ST6GAL1: variants seen among roughly 807,000 people sequenced by gnomAD.
The protein encoded by ST6GAL1 is beta-galactoside alpha-2,6-sialyltransferase 1.
Under a neutral mutation model 38.0 loss-of-function variants are expected in ST6GAL1, and 20 were observed. That is an observed-to-expected ratio of 0.53 (90% CI 0.37 to 0.77). ST6GAL1 has a LOEUF of 0.77. ST6GAL1 is among the 30% of genes least tolerant of loss of function. ST6GAL1 has a pLI of 0.00. For missense variants in ST6GAL1, 432 were observed against 496.4 expected (o/e 0.87, Z 1.23); for synonymous variants, 196 against 188.2 (o/e 1.04, Z -0.34).
rs113729018 is a variant in ST6GAL1, at chr3:186,988,286, C to T, written c.-183+24360C>T. Among the ~76,000 whole-genome samples the T allele has an allele frequency of 2.3e-4, 35 of 152,162 alleles. No homozygotes were observed. In the South Asian group the frequency reaches 5.2e-3, roughly 23 times the overall value. On this transcript the variant is annotated intron_variant, in intron 2 of 7. Coordinates refer to ENST00000169298, the MANE Select transcript of ST6GAL1 (RefSeq NM_173216.2). The stretch of plus-strand genomic sequence containing the variant: ...GTAGGGCTTCTGGAAGTGTCTCTAA[C>T]GGGTGCTAATTTGTGTTGGTCATGG...
intron 2 of ST6GAL1, among the ~76,000 whole-genome samples, chr3:186,971,974 C>G (rs182470658): frequency 1.3e-5 from 2 of 152,310 alleles, no homozygotes; most frequent in African/African-American, 4.8e-5. Context: ...GATGGAGAGG[C>G]AACTTCAATG....
Position 187,076,958 on chromosome 3 carries a change from TTC to T in ST6GAL1, c.*1158_*1159del. 2.5e-6 allele frequency: 1 copy of T among 393,698 alleles called. No individual in the cohort carries two copies. Among genetic ancestry groups the T allele is most frequent in the Non-Finnish European group, 4.4e-6 (1 of 225,558 alleles). The allele number at this position is 393,698 out of a possible 1,614,324, so 24.4% of individuals were successfully genotyped here. A position where few individuals can be genotyped will look rare whatever the true frequency, so the allele number is the denominator to read the frequency against. On this transcript the variant is annotated 3_prime_UTR_variant, in exon 8 of 8. Transcript: ENST00000169298. The stretch of plus-strand genomic sequence containing the variant: ...CCTTTTCAATACCTACCCCCAAATC[TTC>T]TCCTAACCACCATCTGTTTTTTTTT...
intron 2 of ST6GAL1, among the ~76,000 whole-genome samples, chr3:186,976,504 A>C (rs200536361): frequency 6.6e-6 from 1 of 151,722 alleles, no homozygotes; most frequent in Non-Finnish European, 1.5e-5. Context: ...ATCTCGGCTC[A>C]CTGCAACCTC....
chr3:187,059,893 A>C (rs1718851633), intron 5 of ST6GAL1, among the ~76,000 whole-genome samples: 2 of 152,246 alleles, frequency 1.3e-5, no homozygotes, highest in African/African-American at 4.8e-5. Context: ...TCAAGGTACT[A>C]GGAGAGCCCT....
chr3:187,016,390 G>A (rs1487983474), intron 2 of ST6GAL1, among the ~76,000 whole-genome samples: 1 of 152,152 alleles, frequency 6.6e-6, no homozygotes, highest in Non-Finnish European at 1.5e-5. Context: ...GAGTGCGGGA[G>A]TGCAGGAGAG....
intron 2 of ST6GAL1, among the ~76,000 whole-genome samples, chr3:187,029,676 G>A (rs1232539349): frequency 1.3e-5 from 2 of 152,174 alleles, no homozygotes; most frequent in Non-Finnish European, 2.9e-5. Context: ...AGTAAGCATT[G>A]TTGTACAATT....
chr3:186,941,331 G>T (rs1714163740), intron 1 of ST6GAL1, among the ~76,000 whole-genome samples: 1 of 152,256 alleles, frequency 6.6e-6, no homozygotes, highest in Admixed American at 6.5e-5. Flanking sequence ...ATTGTACTTT[G>T]TCTGGTTGTT....
chr3:187,060,943 G>C (rs748594421), intron 5 of ST6GAL1, among the ~76,000 whole-genome samples: 3 of 152,052 alleles, frequency 2.0e-5, no homozygotes, highest in Non-Finnish European at 4.4e-5. Context: ...ATCTTACTTT[G>C]TCCCTTCCTC....
At chr3:186,981,828 G>A (rs1715707522) in intron 2 of ST6GAL1, among the ~76,000 whole-genome samples, 1 of 152,140 alleles carries the variant, frequency 6.6e-6, no homozygotes, top group Non-Finnish European at 1.5e-5. Context: ...ATAAAACACT[G>A]CTTAAAGCTG....
At chr3:186,943,974 A>T (rs920823956) in intron 1 of ST6GAL1, among the ~76,000 whole-genome samples, 1 of 152,228 alleles carries the variant, frequency 6.6e-6, no homozygotes, top group Non-Finnish European at 1.5e-5. Context: ...CAAGGACAAC[A>T]TCCCTTGCCG....
At chr3:187,034,971 T>C (rs1717879118) in intron 2 of ST6GAL1, among the ~76,000 whole-genome samples, 1 of 152,186 alleles carries the variant, frequency 6.6e-6, no homozygotes, top group Admixed American at 6.6e-5. Flanking sequence ...TGTCTCTCTT[T>C]GCTGACAATA....
chr3:187,039,281 C>T lies in ST6GAL1; in HGVS notation c.-51+408C>T, dbSNP rs79555482. 2.8e-4 allele frequency among the ~76,000 whole-genome samples: 43 copies of T among 152,284 alleles called. 1 individual carries two copies. Among genetic ancestry groups the T allele is most frequent in the South Asian group, 1.7e-3 (8 of 4,826 alleles). On this transcript the variant is annotated intron_variant, in intron 3 of 7. Coordinates refer to ENST00000169298, the MANE Select transcript of ST6GAL1 (RefSeq NM_173216.2). The stretch of plus-strand genomic sequence containing the variant: ...TGATGATGCAAGTCGCTGTGTTCTT[C>T]CTCTAGAAGCCTCGTGATGATTGTA...
At chr3:186,995,897 G>T (rs79927023) in intron 2 of ST6GAL1, among the ~76,000 whole-genome samples, 11,472 of 152,162 alleles carry the variant, frequency 0.075, 507 homozygotes, top group Middle Eastern at 0.15. Context: ...CTTCCCACGG[G>T]CGGGGACACT....
chr3:186,964,704 C>T (rs902325729), intron 2 of ST6GAL1, among the ~76,000 whole-genome samples: 1 of 152,146 alleles, frequency 6.6e-6, no homozygotes, highest in Non-Finnish European at 1.5e-5. Context: ...CAATGGGTGG[C>T]TTGAAACTGA....
chr3:186,976,851 G>C (rs1422350939), intron 2 of ST6GAL1, among the ~76,000 whole-genome samples: 7 of 152,162 alleles, frequency 4.6e-5, no homozygotes, highest in African/African-American at 1.7e-4. Context: ...TGGTGCTGCT[G>C]GTTTATATTC....
intron 5 of ST6GAL1, among the ~76,000 whole-genome samples, chr3:187,065,563 A>G (rs1167091486): frequency 6.6e-6 from 1 of 152,200 alleles, no homozygotes; most frequent in Non-Finnish European, 1.5e-5. Flanking sequence ...AGTTTTGACT[A>G]TAAGAGTAAG....
intron 2 of ST6GAL1, among the ~76,000 whole-genome samples, chr3:186,974,726 T>TGGG (rs59138183): frequency 5.3e-4 from 77 of 145,846 alleles, no homozygotes; most frequent in South Asian, 1.6e-3. Context: ...AGAGCCTGGT[T>TGGG]GGGGGGGGGG....
intron 1 of ST6GAL1, among the ~76,000 whole-genome samples, chr3:186,960,463 C>T (rs1714896004): frequency 6.6e-6 from 1 of 152,138 alleles, no homozygotes; most frequent in Non-Finnish European, 1.5e-5. Context: ...GTGTTAGGCC[C>T]AGTGACCCTT....
At chr3:186,956,653 T>G (rs186475993) in intron 1 of ST6GAL1, among the ~76,000 whole-genome samples, 1 of 152,204 alleles carries the variant, frequency 6.6e-6, no homozygotes, top group African/African-American at 2.4e-5. Flanking sequence ...CTGCATAAAC[T>G]TAAGAGCCCA....
Sources: gnomAD v4.1 joint callset for allele counts (sites outside exome capture counted in the v4.1 genomes callset) on GRCh38, gnomAD v4.1.1 for gene constraint, MANE v1.5 for transcripts, NCBI Gene and HGNC (gene_info 2026-07-23, HGNC 2026-07-21) for gene names.